AXIN2: variants seen among roughly 807,000 people sequenced by gnomAD.
AXIN2 encodes the protein axin-2.
Under a neutral mutation model 74.7 loss-of-function variants are expected in AXIN2, and 21 were observed. The observed-to-expected ratio is 0.28, with a 90% confidence interval of 0.20 to 0.40. The LOEUF (loss-of-function observed/expected upper bound fraction) is 0.40, where lower values mean the gene tolerates loss of function less well. AXIN2 is among the 10% of genes least tolerant of loss of function. The pLI, the probability that AXIN2 is intolerant of heterozygous loss-of-function variation, is 1.00. For missense variants in AXIN2, 1,144 were observed against 1,111.1 expected, an observed-to-expected ratio of 1.03 and a Z score of -0.42; for synonymous variants, 532 against 454.9, an observed-to-expected ratio of 1.17 and a Z score of -2.16.
At chr17:65,538,817 G>A (rs565886993) in intron 4 of AXIN2, among the ~76,000 whole-genome samples, 95 of 152,034 alleles carry the variant, frequency 6.2e-4, no homozygotes, top group Non-Finnish European at 1.1e-3. Flanking sequence ...GGAGGTGGGA[G>A]GAAAGAAAGT....
rs1166380124 is a variant in AXIN2 at position 65,528,748 on chromosome 17, T to A, written c.*1228A>T. Reference sequence around the variant, plus strand: ...AAAAGGCATAAAATATATTTATACATAAACCCCTTTCAAAAAACAAGGGAA... The same window carrying A: ...AAAAGGCATAAAATATATTTATACAAAAACCCCTTTCAAAAAACAAGGGAA... On this transcript the variant is annotated 3_prime_UTR_variant, in exon 11 of 11. Coordinates refer to ENST00000307078, the MANE Select transcript of AXIN2 (RefSeq NM_004655.4). 2.0e-6 allele frequency: 1 copy of A among 499,344 alleles called. No homozygotes were observed. The highest frequency in any genetic ancestry group is 3.7e-6 in the Non-Finnish European group (1 of 267,538). 30.9% of individuals were successfully genotyped at this position (499,344 alleles called of 1,614,324 possible). A position where few individuals can be genotyped will look rare whatever the true frequency, so the allele number is the denominator to read the frequency against.
rs1567749335 is a variant in AXIN2, at chr17:65,529,649, C to A, written c.*327G>T. 1 of 443,614 alleles carries A rather than the reference C, an allele frequency of 2.3e-6. No individual in the cohort carries two copies. Among genetic ancestry groups the A allele is most frequent in the Non-Finnish European group, 4.2e-6 (1 of 238,274 alleles). 27.5% of individuals were successfully genotyped at this position (443,614 alleles called of 1,614,324 possible). The stretch of plus-strand genomic sequence containing the variant: ...TTCAGGTAAGCTATACACAGTTTCT[C>A]TTAGTTTATGGATTTCAGATCCCTA... On this transcript the variant is annotated 3_prime_UTR_variant, in exon 11 of 11. Transcript: ENST00000307078.
At position 65,552,092 on chromosome 17, in the gene AXIN2, T is replaced by TG. The variant is rs568001428; in HGVS notation, c.816-2433dup. ...GGTAAGATCTTCCAGGCCTTCCTCC[T>TG]GGTCCATGTGTCCTCAATCCGGAAT... On this transcript the variant is annotated intron_variant, in intron 2 of 10. Coordinates refer to ENST00000307078, the MANE Select transcript of AXIN2 (RefSeq NM_004655.4). Among the ~76,000 whole-genome samples the TG allele has an allele frequency of 6.0e-3, 908 of 152,326 alleles. 5 individuals are homozygous for TG. The highest frequency in any genetic ancestry group is 8.6e-3 in the Non-Finnish European group (584 of 68,024).
At position 65,555,233 on chromosome 17, in the gene AXIN2, A is replaced by C. The variant is rs141465643; in HGVS notation, c.815+2573T>G. Among the ~76,000 whole-genome samples, 26 of 152,342 alleles carry C rather than the reference A, an allele frequency of 1.7e-4. 1 individual carries two copies. In the East Asian group the frequency reaches 4.8e-3, roughly 28 times the overall value. On this transcript the variant is annotated intron_variant, in intron 2 of 10. Transcript: ENST00000307078. The stretch of plus-strand genomic sequence containing the variant: ...ACCGCTCCTCAGCAGCTGATGAAGA[A>C]AGACCATCCTCAGCAGCACTGACGT...
chr17:65,541,637 T>C, intron 3 of AXIN2, 80 bp from the exon 4 acceptor site: 1 of 1,195,480 alleles, frequency 8.4e-7, no homozygotes. Flanking sequence ...TCATATGCCA[T>C]CTTGAGATCC....
intron 9 of AXIN2, 89 bp downstream of exon 9, chr17:65,535,537 A>G (rs1251720429): frequency 7.5e-7 from 1 of 1,329,794 alleles, no homozygotes; most frequent in Non-Finnish European, 1.1e-6. Flanking sequence ...AACCAAAAAA[A>G]GTTTCATGAA....
At chr17:65,533,340 C>A (rs2043855378) in intron 10 of AXIN2, among the ~76,000 whole-genome samples, 1 of 152,212 alleles carries the variant, frequency 6.6e-6, no homozygotes, top group Admixed American at 6.5e-5. Context: ...AAAGGCGCAT[C>A]TCTGCTTCTA....
At chr17:65,546,944 C>G (rs2044127449) in intron 3 of AXIN2, among the ~76,000 whole-genome samples, 1 of 152,192 alleles carries the variant, frequency 6.6e-6, no homozygotes, top group African/African-American at 2.4e-5. Flanking sequence ...GGGACTTGAC[C>G]TGTTCTGTCT....
chr17:65,537,214 G>A (rs1418859172), intron 6 of AXIN2, 110 bp downstream of exon 6: 4 of 1,562,416 alleles, frequency 2.6e-6, no homozygotes, highest in Non-Finnish European at 3.5e-6. Context: ...GCACTCTGCC[G>A]CCCTCTTAGA....
In AXIN2 at chr17:65,529,587, A is replaced by G. The variant is rs2043782493; in HGVS notation, c.*389T>C. The G allele has an allele frequency of 5.7e-6, 2 of 348,674 alleles. No individual in the cohort carries two copies. Among genetic ancestry groups the G allele is most frequent in the African/African-American group, 2.1e-5 (1 of 48,556 alleles). The allele number at this position is 348,674 out of a possible 1,614,324, so 21.6% of individuals were successfully genotyped here. A position where few individuals can be genotyped will look rare whatever the true frequency, so the allele number is the denominator to read the frequency against. ...CATATCCATAAACTGGGGATGGGGGAAATCAACTGTTCTATAAATATCAGT... is the reference window on the plus strand; with the variant it reads ...CATATCCATAAACTGGGGATGGGGGGAATCAACTGTTCTATAAATATCAGT... On this transcript the variant is annotated 3_prime_UTR_variant, in exon 11 of 11. Coordinates refer to ENST00000307078, the MANE Select transcript of AXIN2 (RefSeq NM_004655.4).
intron 2 of AXIN2, among the ~76,000 whole-genome samples, chr17:65,556,987 C>T (rs1194779234): frequency 6.6e-6 from 1 of 152,124 alleles, no homozygotes; most frequent in East Asian, 1.9e-4. Flanking sequence ...AAGTTGCCTC[C>T]AAAGGTCAAG....
At position 65,557,922 on chromosome 17, in the gene AXIN2, C is replaced by T. The variant is rs1212787166; in HGVS notation, c.699G>A (p.Glu233=). 3 of 1,614,136 alleles carry T rather than the reference C, an allele frequency of 1.9e-6. No individual in the cohort carries two copies. The African/African-American group carries it at 4.0e-5, about 22-fold the overall frequency. ...GYLPTLNEEE[E]WTCADFKCKL... is the part of the protein sequence containing the mutation. ...TGCACTTGAAGTCGGCACAAGTCCA[C>T]TCCTCTTCTTCATTCAAGGTGGGGA... Residue 233 remains glutamate, a synonymous_variant, in exon 2 of 11, where the codon GAG becomes GAA. Coordinates refer to ENST00000307078, the MANE Select transcript of AXIN2 (RefSeq NM_004655.4).
intron 2 of AXIN2, among the ~76,000 whole-genome samples, chr17:65,552,953 G>T (rs1296672943): frequency 1.3e-5 from 2 of 151,924 alleles, no homozygotes; most frequent in Admixed American, 6.6e-5. Context: ...GCTTGAACCC[G>T]GGAGGCAAAG....
intron 7 of AXIN2, 53 bp from the exon 8 acceptor site, chr17:65,536,606 G>C: frequency 6.3e-7 from 1 of 1,592,174 alleles, no homozygotes; most frequent in Non-Finnish European, 8.6e-7. Flanking sequence ...TGGGTTAGAA[G>C]AACTGGAAAA....
chr17:65,552,056 T>G (rs2044201452), intron 2 of AXIN2, among the ~76,000 whole-genome samples: 1 of 151,984 alleles, frequency 6.6e-6, no homozygotes, highest in Admixed American at 6.5e-5. Context: ...TGGTGAAAAT[T>G]AAATGAGAAC....
intron 7 of AXIN2, 136 bp downstream of exon 7, chr17:65,536,733 A>G (rs992194154): frequency 6.9e-7 from 1 of 1,452,510 alleles, no homozygotes; most frequent in Non-Finnish European, 9.6e-7. Context: ...TGCTCAGTCC[A>G]ACGTTTAATA....
rs569431744 is a variant in AXIN2, at chr17:65,560,285, G to A, written c.-117+1165C>T. The A allele has an allele frequency of 5.4e-4, 82 of 152,378 alleles. 1 individual carries two copies. In the East Asian group the frequency reaches 7.8e-3, roughly 14 times the overall value. The allele number at this position is 152,378 out of a possible 1,614,324, so 9.4% of individuals were successfully genotyped here. Reference sequence around the variant, plus strand: ...GAGGAGGGACGCGAGGGACACGGGCGCCCCGGACTTGGGCCGGTCCTGCGC... The same window carrying A: ...GAGGAGGGACGCGAGGGACACGGGCACCCCGGACTTGGGCCGGTCCTGCGC... On this transcript the variant is annotated intron_variant, in intron 1 of 10. Coordinates refer to ENST00000307078, the MANE Select transcript of AXIN2 (RefSeq NM_004655.4).
At chr17:65,542,031 G>A (rs747826744) in intron 3 of AXIN2, among the ~76,000 whole-genome samples, 4 of 152,168 alleles carry the variant, frequency 2.6e-5, no homozygotes, top group Admixed American at 2.0e-4. Flanking sequence ...CCTACAGAGG[G>A]CTAAATCAGG....
At chr17:65,534,177 A>AG (rs2043870823) in intron 9 of AXIN2, 98 bp from the exon 10 acceptor site, 1 of 1,438,816 alleles carries the variant, frequency 7.0e-7, no homozygotes, top group Admixed American at 1.7e-5. Context: ...GTGACAGGGT[A>AG]TCCAAACACT....
Sources: allele counts gnomAD v4.1 joint callset (sites outside exome capture counted in the v4.1 genomes callset), GRCh38; gene constraint gnomAD v4.1.1; transcripts MANE v1.5; gene names NCBI Gene and HGNC (gene_info 2026-07-23, HGNC 2026-07-21).